The following MAST2 variants were observed in gnomAD, a reference collection of about 807,000 sequenced individuals.
MAST2 encodes the protein microtubule associated serine/threonine kinase 2, also known as microtubule-associated serine/threonine-protein kinase 2.
Under a neutral mutation model 147.4 loss-of-function variants are expected in MAST2, and 70 were observed. The ratio of observed to expected loss-of-function variants is 0.47; its 90% CI spans 0.39 to 0.58. The LOEUF is 0.58. MAST2 is among the 20% of genes least tolerant of loss of function. MAST2 has a pLI of 0.00. For synonymous variants in MAST2, 869 were observed against 896.8 expected (o/e 0.97, Z 0.55); for missense variants, 2,080 against 2,302.3 (o/e 0.90, Z 1.98).
At position 45,812,979 on chromosome 1, in the gene MAST2, A is replaced by G. The variant is rs138654859; in HGVS notation, c.177+8907A>G. Among the ~76,000 whole-genome samples the G allele has an allele frequency of 1.8e-3, 271 of 152,040 alleles. 1 individual carries two copies. Among genetic ancestry groups the G allele is most frequent in the African/African-American group, 6.0e-3 (248 of 41,456 alleles). On this transcript the variant is annotated intron_variant, in intron 1 of 28. Transcript: ENST00000361297. ...TGTTTGCTGCTACAGTTGTCCCTCAATATCTCTCGGGGATTGAGTACATGA... is the reference window on the plus strand; with the variant it reads ...TGTTTGCTGCTACAGTTGTCCCTCAGTATCTCTCGGGGATTGAGTACATGA...
At position 45,827,891 on chromosome 1, in the gene MAST2, C is replaced by G. The variant is rs569175658; in HGVS notation, c.326-1548C>G. 2.0e-5 allele frequency among the ~76,000 whole-genome samples: 3 copies of G among 152,194 alleles called. No homozygotes were observed. The South Asian group carries it at 6.2e-4, about 32-fold the overall frequency. ...CCCAGGCTAAAGTGCAGTGACATGA[C>G]CATGCCTCACTGAAGCCTTGACCAC... On this transcript the variant is annotated intron_variant, in intron 2 of 28. Transcript: ENST00000361297.
At position 45,803,665 on chromosome 1, in the gene MAST2, G is replaced by C. The variant is rs1644054178; in HGVS notation, c.-231G>C. ...TGGCCTGCCCAACGTGTGCTGGGTG[G>C]GAGAAGGCGAGGCGTCAGCGATGCT... On this transcript the variant is annotated 5_prime_UTR_variant, in exon 1 of 29. Coordinates refer to ENST00000361297, the MANE Select transcript of MAST2 (RefSeq NM_015112.3). 3.3e-6 allele frequency: 1 copy of C among 307,180 alleles called. No homozygotes were observed. The highest frequency in any genetic ancestry group is 2.2e-5 in the African/African-American group (1 of 45,324). The allele number at this position is 307,180 out of a possible 1,614,324, so 19.0% of individuals were successfully genotyped here.
At chr1:45,851,469 G>T (rs1338365260) in intron 3 of MAST2, among the ~76,000 whole-genome samples, 1 of 152,124 alleles carries the variant, frequency 6.6e-6, no homozygotes, top group Non-Finnish European at 1.5e-5. Flanking sequence ...TTTCCTTTGT[G>T]TGATTGCTGT....
chr1:45,916,155 G>T (rs936137531), intron 4 of MAST2, among the ~76,000 whole-genome samples: 1 of 152,124 alleles, frequency 6.6e-6, no homozygotes. Context: ...GGAAAGTGAA[G>T]ATTTCCTTTG....
chr1:45,884,560 T>C (rs1023350552), intron 4 of MAST2, among the ~76,000 whole-genome samples: 2 of 151,752 alleles, frequency 1.3e-5, no homozygotes, highest in African/African-American at 4.8e-5. Context: ...AAAAAATAAA[T>C]AAATAAATAA....
rs867312438 is a variant in MAST2, at chr1:45,949,268, C to A, written c.501-10118C>A. On this transcript the variant is annotated intron_variant, in intron 4 of 28. Transcript: ENST00000361297. ...GGTTCTGCACAACAAAAGAAACTAT[C>A]AACAGAGTAAACAGACAACCTACAG... Among the ~76,000 whole-genome samples the A allele has an allele frequency of 8.1e-4, 124 of 152,230 alleles. 1 individual carries two copies. Among genetic ancestry groups the A allele is most frequent in the African/African-American group, 2.8e-3 (117 of 41,546 alleles).
chr1:45,913,698 G>C, intron 4 of MAST2: 1 of 1,022,686 alleles, frequency 9.8e-7, no homozygotes, highest in Non-Finnish European at 1.2e-6. Context: ...TTGAAGAAAA[G>C]TACTTTAATT....
At chr1:45,975,349 G>T (rs1644093443) in intron 5 of MAST2, among the ~76,000 whole-genome samples, 1 of 151,976 alleles carries the variant, frequency 6.6e-6, no homozygotes, top group African/African-American at 2.4e-5. Flanking sequence ...ATATGATTAG[G>T]AAATTAACAG....
chr1:45,841,432 AAT>A (rs1219260294), intron 3 of MAST2, among the ~76,000 whole-genome samples: 2 of 151,892 alleles, frequency 1.3e-5, no homozygotes, highest in African/African-American at 4.8e-5. Flanking sequence ...CGTATAAAGA[AAT>A]ATATACATAT....
At position 46,017,552 on chromosome 1, in the gene MAST2, A is replaced by C. The variant is rs200465878; in HGVS notation, c.1189-2044A>C. Among the ~76,000 whole-genome samples, 10 of 152,198 alleles carry C rather than the reference A, an allele frequency of 6.6e-5. No homozygotes were observed. In the East Asian group the frequency reaches 7.7e-4, roughly 12 times the overall value. The stretch of plus-strand genomic sequence containing the variant: ...CAAAAGAAGACATTTATGCAGCCAA[A>C]AAACACATGAAAAAATGCTCACCAT... On this transcript the variant is annotated intron_variant, in intron 10 of 28. Coordinates refer to ENST00000361297, the MANE Select transcript of MAST2 (RefSeq NM_015112.3).
At chr1:45,805,051 C>CCTTTTT (rs1179981815) in intron 1 of MAST2, among the ~76,000 whole-genome samples, 1 of 43,810 alleles carries the variant, frequency 2.3e-5, no homozygotes, top group Non-Finnish European at 4.1e-5. Flanking sequence ...TTTCCTTAGA[C>CCTTTTT]ATTTTTTTTT....
At chr1:45,862,661 G>A (rs753443617) in intron 3 of MAST2, among the ~76,000 whole-genome samples, 2 of 152,014 alleles carry the variant, frequency 1.3e-5, no homozygotes, top group African/African-American at 4.8e-5. Flanking sequence ...GTAGAAACAC[G>A]GTTTTGCCTT....
At chr1:45,826,924 G>C (rs891770356) in intron 2 of MAST2, among the ~76,000 whole-genome samples, 1 of 152,036 alleles carries the variant, frequency 6.6e-6, no homozygotes, top group Non-Finnish European at 1.5e-5. Flanking sequence ...CGCCTTCCTG[G>C]TTCAAGCGAT....
At chr1:45,852,160 A>G (rs903718950) in intron 3 of MAST2, among the ~76,000 whole-genome samples, 3 of 152,104 alleles carry the variant, frequency 2.0e-5, no homozygotes, top group Non-Finnish European at 4.4e-5. Flanking sequence ...ATACACTTGT[A>G]TATGTTTGTG....
intron 4 of MAST2, among the ~76,000 whole-genome samples, chr1:45,909,438 G>A (rs1651308169): frequency 6.6e-6 from 1 of 151,938 alleles, no homozygotes; most frequent in Non-Finnish European, 1.5e-5. Context: ...ACCATCGGAG[G>A]AGAGGGGAAT....
intron 4 of MAST2, among the ~76,000 whole-genome samples, chr1:45,918,403 A>G (rs1017650490): frequency 3.3e-5 from 5 of 152,140 alleles, no homozygotes; most frequent in African/African-American, 1.2e-4. Context: ...AGTATTGGGA[A>G]ATGAGGCCTG....
intron 6 of MAST2, among the ~76,000 whole-genome samples, chr1:46,001,723 A>G (rs1645281368): frequency 2.0e-5 from 3 of 152,172 alleles, no homozygotes; most frequent in Admixed American, 6.5e-5. Context: ...GCTGCTAGGT[A>G]TTGGTGAGGG....
intron 3 of MAST2, among the ~76,000 whole-genome samples, chr1:45,864,393 GAAGA>G (rs1386728556): frequency 6.6e-6 from 1 of 152,158 alleles, no homozygotes; most frequent in Admixed American, 6.5e-5. Context: ...TCTAGCTCCT[GAAGA>G]AAGAGGCTTT....
At chr1:45,871,837 ATTATGAG>A (rs1333475171) in intron 3 of MAST2, among the ~76,000 whole-genome samples, 14 of 152,194 alleles carry the variant, frequency 9.2e-5, no homozygotes, top group Non-Finnish European at 4.4e-5. Context: ...TGTGGGTTTA[ATTATGAG>A]TTATATCAAG....
Sources: gnomAD v4.1 joint callset for allele counts (sites outside exome capture counted in the v4.1 genomes callset) on GRCh38, gnomAD v4.1.1 for gene constraint, MANE v1.5 for transcripts, NCBI Gene and HGNC (gene_info 2026-07-23, HGNC 2026-07-21) for gene names.